The following PDGFC variants were observed in gnomAD, a reference collection of about 807,000 sequenced individuals.
The protein encoded by PDGFC is platelet derived growth factor C, also known as platelet-derived growth factor C.
A neutral mutation model predicts 35.5 loss-of-function variants in PDGFC; 12 were observed. The observed-to-expected ratio is 0.34, with a 90% CI of 0.22 to 0.55. The LOEUF (loss-of-function observed/expected upper bound fraction) is 0.55. Among genes scored for constraint, PDGFC ranks in the 20% least tolerant of loss-of-function variants. The probability of loss-of-function intolerance (pLI) is 0.91; values close to 1 mark genes in which losing one functional copy is unlikely to be tolerated. For missense variants in PDGFC, 322 were observed against 412.4 expected (o/e 0.78, Z 1.90); for synonymous variants, 159 against 148.8 (o/e 1.07, Z -0.50).
At chr4:156,776,075 TAA>T (rs1438985423) in intron 3 of PDGFC, among the ~76,000 whole-genome samples, 1 of 152,002 alleles carries the variant, frequency 6.6e-6, no homozygotes, top group Non-Finnish European at 1.5e-5. Flanking sequence ...CTAAGTTGTT[TAA>T]AGGGACTCTC....
chr4:156,858,546 C>T (rs183874522), intron 1 of PDGFC, among the ~76,000 whole-genome samples: 184 of 151,734 alleles, frequency 1.2e-3, no homozygotes, highest in African/African-American at 4.2e-3. Context: ...TTAAAGAGAC[C>T]AAAACCAGAA....
chr4:156,915,323 GTC>G (rs1731133096), intron 1 of PDGFC, among the ~76,000 whole-genome samples: 2 of 151,838 alleles, frequency 1.3e-5, no homozygotes. Context: ...CTCTAAGGTG[GTC>G]ATCAGTTTCT....
At chr4:156,839,333 A>G (rs1453026026) in intron 2 of PDGFC, among the ~76,000 whole-genome samples, 1 of 152,192 alleles carries the variant, frequency 6.6e-6, no homozygotes, top group Non-Finnish European at 1.5e-5. Context: ...AGTTCTCACA[A>G]GATCTGATGC....
intron 1 of PDGFC, among the ~76,000 whole-genome samples, chr4:156,925,502 G>A (rs565590081): frequency 1.3e-5 from 2 of 152,152 alleles, no homozygotes; most frequent in African/African-American, 2.4e-5. Flanking sequence ...GTACTGGCGG[G>A]TACCTTTAAG....
At chr4:156,909,639 A>C (rs976791323) in intron 1 of PDGFC, among the ~76,000 whole-genome samples, 4 of 152,188 alleles carry the variant, frequency 2.6e-5, no homozygotes, top group African/African-American at 7.2e-5. Flanking sequence ...ACAAATATCC[A>C]CATACAAATA....
At chr4:156,884,100 T>C (rs1165921040) in intron 1 of PDGFC, among the ~76,000 whole-genome samples, 1 of 152,184 alleles carries the variant, frequency 6.6e-6, no homozygotes, top group Non-Finnish European at 1.5e-5. Context: ...AAAGGATGCC[T>C]CCAAGAAGGA....
chr4:156,907,367 C>T (rs1730938822), intron 1 of PDGFC, among the ~76,000 whole-genome samples: 2 of 151,902 alleles, frequency 1.3e-5, no homozygotes, highest in South Asian at 4.2e-4. Context: ...AAAATGCATG[C>T]CAAAAATGCA....
chr4:156,868,396 A>G (rs1190447013), intron 1 of PDGFC, among the ~76,000 whole-genome samples: 2 of 152,200 alleles, frequency 1.3e-5, no homozygotes, highest in Non-Finnish European at 1.5e-5. Flanking sequence ...GTTCTGAAAG[A>G]GTCCTGTGTG....
At chr4:156,933,741 C>T (rs1028199209) in intron 1 of PDGFC, among the ~76,000 whole-genome samples, 1 of 152,086 alleles carries the variant, frequency 6.6e-6, no homozygotes, top group African/African-American at 2.4e-5. Flanking sequence ...AGCATTTTCC[C>T]TCATGTTGTT....
At chr4:156,868,842 A>T (rs564773519) in intron 1 of PDGFC, among the ~76,000 whole-genome samples, 227 of 152,260 alleles carry the variant, frequency 1.5e-3, no homozygotes, top group African/African-American at 4.1e-3. Flanking sequence ...TTCTTTCTAT[A>T]ATCATAAATC....
chr4:156,928,442 C>G (rs1731469377), intron 1 of PDGFC, among the ~76,000 whole-genome samples: 1 of 152,092 alleles, frequency 6.6e-6, no homozygotes, highest in Admixed American at 6.5e-5. Flanking sequence ...GGATTACTAG[C>G]TACTGCATCA....
At chr4:156,809,765 A>G (rs960528710) in intron 3 of PDGFC, among the ~76,000 whole-genome samples, 13 of 151,852 alleles carry the variant, frequency 8.6e-5, no homozygotes, top group Non-Finnish European at 1.9e-4. Context: ...GTTTTATTCT[A>G]TAGGAGGACA....
At chr4:156,882,039 A>G (rs1013010575) in intron 1 of PDGFC, among the ~76,000 whole-genome samples, 3 of 151,544 alleles carry the variant, frequency 2.0e-5, no homozygotes, top group Non-Finnish European at 1.5e-5. Context: ...GGACTAATAC[A>G]CTCCCTTTAT....
At chr4:156,845,786 T>C (rs1009997583) in intron 2 of PDGFC, among the ~76,000 whole-genome samples, 6 of 151,864 alleles carry the variant, frequency 4.0e-5, no homozygotes, top group Non-Finnish European at 8.9e-5. Flanking sequence ...AAATAAAACA[T>C]TTAATATGTG....
intron 2 of PDGFC, among the ~76,000 whole-genome samples, chr4:156,840,667 T>C (rs898761883): frequency 1.3e-5 from 2 of 152,102 alleles, no homozygotes; most frequent in African/African-American, 2.4e-5. Context: ...ACTGTGCACC[T>C]GGAAAAGCCA....
chr4:156,960,874 T>C (rs1732327696), intron 1 of PDGFC, among the ~76,000 whole-genome samples: 1 of 152,098 alleles, frequency 6.6e-6, no homozygotes, highest in Non-Finnish European at 1.5e-5. Context: ...TAGAGCAATC[T>C]GAAAACACTA....
chr4:156,904,609 T>C (rs2110779675), intron 1 of PDGFC, among the ~76,000 whole-genome samples: 1 of 152,204 alleles, frequency 6.6e-6, no homozygotes, highest in South Asian at 2.1e-4. Flanking sequence ...CAAAGACATA[T>C]AAGAGAATTT....
At chr4:156,778,089 G>T in intron 3 of PDGFC, 1 of 212,140 alleles carries the variant, frequency 4.7e-6, no homozygotes, top group South Asian at 5.1e-5. Context: ...GGGTGATAAA[G>T]TGAGACTCTG....
At chr4:156,912,179 T>C (rs1364000829) in intron 1 of PDGFC, among the ~76,000 whole-genome samples, 2 of 152,068 alleles carry the variant, frequency 1.3e-5, no homozygotes, top group Non-Finnish European at 2.9e-5. Context: ...GAGCACTGTA[T>C]AGGAAATCAA....
Sources: gnomAD v4.1 joint callset for allele counts (sites outside exome capture counted in the v4.1 genomes callset) on GRCh38, gnomAD v4.1.1 for gene constraint, MANE v1.5 for transcripts, NCBI Gene and HGNC (gene_info 2026-07-23, HGNC 2026-07-21) for gene names.